WDR4: variants seen among roughly 807,000 people sequenced by gnomAD.
The protein encoded by WDR4 is WDR4 tRNA N7-guanosine methyltransferase non-catalytic subunit.
In WDR4, 47 loss-of-function variants were observed where a neutral mutation model predicts 48.6. The observed-to-expected ratio is 0.97, with a 90% CI of 0.77 to 1.23. The LOEUF (loss-of-function observed/expected upper bound fraction) is 1.23, where lower values mean the gene tolerates loss of function less well. Ranked by LOEUF, WDR4 falls within the 50% of genes most tolerant of loss-of-function variation. The pLI is 0.00. For synonymous variants in WDR4, 268 were observed against 230.0 expected, an observed-to-expected ratio of 1.17 and a Z score of -1.49; for missense variants, 606 against 551.6, an observed-to-expected ratio of 1.10 and a Z score of -0.99.
Position 42,850,005 on chromosome 21 carries a change from A to G in WDR4, c.*44T>C. 6.2e-7 allele frequency: 1 copy of G among 1,601,964 alleles called. No homozygotes were observed. The highest frequency in any genetic ancestry group is 8.5e-7 in the Non-Finnish European group (1 of 1,176,752). ...CAGGATGCAGGGGAACAAGTTAAAAAGCTTTTCCTAATTTGAGGTGAGAGA... is the reference window on the plus strand; with the variant it reads ...CAGGATGCAGGGGAACAAGTTAAAAGGCTTTTCCTAATTTGAGGTGAGAGA... On this transcript the variant is annotated 3_prime_UTR_variant, in exon 11 of 11. Transcript: ENST00000398208.
intron 9 of WDR4, 52 bp from the exon 10 acceptor site, chr21:42,852,376 C>T: frequency 6.3e-7 from 1 of 1,595,532 alleles, no homozygotes; most frequent in Non-Finnish European, 8.6e-7. Flanking sequence ...GCCTGGAAAC[C>T]CAGCACCAGG....
At chr21:42,868,598 G>T (rs567721643) in intron 3 of WDR4, among the ~76,000 whole-genome samples, 1 of 152,340 alleles carries the variant, frequency 6.6e-6, no homozygotes, top group East Asian at 1.9e-4. Context: ...CCTCTGCATA[G>T]TGAAGAATTA....
chr21:42,882,360 T>A (rs150806185), upstream of WDR4, among the ~76,000 whole-genome samples: 3,468 of 150,576 alleles, frequency 0.023, 120 homozygotes, highest in African/African-American at 0.079. Flanking sequence ...GTCAGGAGTT[T>A]GAGACCAGCC....
At chr21:42,843,636 C>T (rs1047993046) in intron 11 of WDR4, among the ~76,000 whole-genome samples, 6 of 151,850 alleles carry the variant, frequency 4.0e-5, no homozygotes, top group South Asian at 2.1e-4. Flanking sequence ...TACAGTGGCG[C>T]GATCTCGGCT....
Position 42,862,477 on chromosome 21 carries a change from G to T in WDR4, c.454-83C>A. On this transcript the variant is annotated intron_variant, in intron 4 of 10. Transcript: ENST00000398208. The surrounding 1 kb of genome is among the most constrained non-coding windows in gnomAD (Gnocchi z 4.3). ...GTCCCTCATGGAAGAAGGCAGGGAAGCTGCAGCCTGGCCGCCAAGAGGATG... is the reference window on the plus strand; with the variant it reads ...GTCCCTCATGGAAGAAGGCAGGGAATCTGCAGCCTGGCCGCCAAGAGGATG... 3 of 1,331,880 alleles carry T rather than the reference G, an allele frequency of 2.3e-6. No individual in the cohort carries two copies. The highest frequency in any genetic ancestry group is 3.1e-6 in the Non-Finnish European group (3 of 963,074). The allele number at this position is 1,331,880 out of a possible 1,614,324, so 82.5% of individuals were successfully genotyped here. A position where few individuals can be genotyped will look rare whatever the true frequency, so the allele number is the denominator to read the frequency against.
chr21:42,869,911 G>A (rs181078953), intron 3 of WDR4, among the ~76,000 whole-genome samples: 1 of 152,180 alleles, frequency 6.6e-6, no homozygotes, highest in Non-Finnish European at 1.5e-5. Context: ...TACTCGGGAG[G>A]CTGAGGCAGG....
intron 6 of WDR4, among the ~76,000 whole-genome samples, chr21:42,857,779 C>T (rs1023567348): frequency 2.1e-5 from 3 of 144,594 alleles, no homozygotes; most frequent in African/African-American, 5.4e-5. Context: ...AGTAGAAATA[C>T]GAGATTGAAC....
chr21:42,853,396 T>C (rs976473825), intron 9 of WDR4, among the ~76,000 whole-genome samples, 173 bp downstream of exon 9: 1 of 152,206 alleles, frequency 6.6e-6, no homozygotes, highest in Non-Finnish European at 1.5e-5. Flanking sequence ...CCGGCTCCCT[T>C]CACCCACGGT....
chr21:42,890,903 G>A, the WDR4 span, among the ~76,000 whole-genome samples: 5 of 152,240 alleles, frequency 3.3e-5, no homozygotes, highest in East Asian at 9.6e-4. Context: ...ACACAGTTTA[G>A]GCCACAGTTA....
At chr21:42,858,607 T>C (rs2058047031) in intron 6 of WDR4, among the ~76,000 whole-genome samples, 1 of 152,182 alleles carries the variant, frequency 6.6e-6, no homozygotes, top group Admixed American at 6.5e-5. Context: ...CAGTAAGCCA[T>C]GAGGGACAGA....
the WDR4 span, among the ~76,000 whole-genome samples, chr21:42,887,313 T>A: frequency 1.5e-4 from 22 of 149,938 alleles, no homozygotes; most frequent in Middle Eastern, 3.4e-3. Context: ...TTTTTTTTTT[T>A]TATTTTATAA....
chr21:42,884,767 T>C, the WDR4 span, among the ~76,000 whole-genome samples: 2 of 152,086 alleles, frequency 1.3e-5, no homozygotes, highest in African/African-American at 4.8e-5. Context: ...CCATCACTTG[T>C]TATTATGTCT....
chr21:42,844,767 C>A (rs1176977487), downstream of WDR4, among the ~76,000 whole-genome samples: 3 of 152,214 alleles, frequency 2.0e-5, no homozygotes, highest in African/African-American at 7.2e-5. Context: ...TGGACAGAGG[C>A]AAGGAAGCTT....
intron 4 of WDR4, among the ~76,000 whole-genome samples, chr21:42,863,046 G>T (rs1239510968): frequency 1.3e-5 from 2 of 152,102 alleles, no homozygotes; most frequent in African/African-American, 4.8e-5. Flanking sequence ...AGAGGCTCGT[G>T]GCTGCACCTG....
chr21:42,879,258 C>T, intron 1 of WDR4, 149 bp downstream of exon 1: 1 of 1,369,230 alleles, frequency 7.3e-7, no homozygotes, highest in Non-Finnish European at 9.4e-7. Flanking sequence ...CAGGCCGAGA[C>T]TGCGGCGGAG....
rs2058129765 is a variant in WDR4, at chr21:42,862,085, C to G, written c.566+197G>C. On this transcript the variant is annotated intron_variant, in intron 5 of 10. Transcript: ENST00000398208. This position sits in a 1 kb window ranked among gnomAD's most constrained non-coding sequence, Gnocchi z 4.3. The stretch of plus-strand genomic sequence containing the variant: ...AGTTACTGGCACAGACTCCGGGTAA[C>G]AGCGCAGAGTGAACCCCACCCTTTC... Among the ~76,000 whole-genome samples the G allele has an allele frequency of 6.6e-6, 1 of 152,226 alleles. No individual in the cohort carries two copies. Among genetic ancestry groups the G allele is most frequent in the African/African-American group, 2.4e-5 (1 of 41,456 alleles).
intron 6 of WDR4, among the ~76,000 whole-genome samples, chr21:42,857,508 A>G (rs763177118): frequency 6.6e-6 from 1 of 152,186 alleles, no homozygotes; most frequent in Admixed American, 6.5e-5. Flanking sequence ...AAAACCTCCA[A>G]TGAGAAAGGC....
Position 42,862,232 on chromosome 21 carries a change from G to C in WDR4, c.566+50C>G. 6.6e-7 allele frequency: 1 copy of C among 1,517,500 alleles called. No individual in the cohort carries two copies. Among genetic ancestry groups the C allele is most frequent in the Non-Finnish European group, 8.9e-7 (1 of 1,119,664 alleles). 94.0% of individuals were successfully genotyped at this position (1,517,500 alleles called of 1,614,324 possible). On this transcript the variant is annotated intron_variant, in intron 5 of 10. Transcript: ENST00000398208. This position sits in a 1 kb window ranked among gnomAD's most constrained non-coding sequence, Gnocchi z 4.3. Reference sequence around the variant, plus strand: ...ACCTGCTGAGCCGCAAGCTGACGCTGTTTTCAAACAGACCTTCTTTCTGCT... The same window carrying C: ...ACCTGCTGAGCCGCAAGCTGACGCTCTTTTCAAACAGACCTTCTTTCTGCT...
At chr21:42,858,696 G>A (rs1449184669) in intron 6 of WDR4, among the ~76,000 whole-genome samples, 5 of 152,116 alleles carry the variant, frequency 3.3e-5, no homozygotes, top group African/African-American at 1.2e-4. Flanking sequence ...ACAACAAACC[G>A]CTGACGAAGC....
Sources: gnomAD v4.1 joint callset for allele counts (sites outside exome capture counted in the v4.1 genomes callset) on GRCh38, gnomAD v4.1.1 for gene constraint, Gnocchi (gnomAD v3.1) non-coding constraint, MANE v1.5 for transcripts, NCBI Gene and HGNC (gene_info 2026-07-23, HGNC 2026-07-21) for gene names.